The following NAP1L1 variants were observed in gnomAD, a reference collection of about 807,000 sequenced individuals.
NAP1L1 encodes nucleosome assembly protein 1-like 1.
NAP1L1 carries 9 observed loss-of-function variants against 58.9 expected under a neutral mutation model. The observed-to-expected ratio is 0.15, with a 90% CI of 0.09 to 0.27. The LOEUF is 0.27. NAP1L1 is among the 10% of genes least tolerant of loss of function. The probability of loss-of-function intolerance (pLI) is 1.00; values close to 1 mark genes in which losing one functional copy is unlikely to be tolerated. For missense variants in NAP1L1, 302 were observed against 458.8 expected, an observed-to-expected ratio of 0.66 and a Z score of 3.12; for synonymous variants, 130 against 138.3, an observed-to-expected ratio of 0.94 and a Z score of 0.42.
intron 4 of NAP1L1, among the ~76,000 whole-genome samples, chr12:76,063,271 T>C (rs1949501840): frequency 1.3e-5 from 2 of 152,126 alleles, no homozygotes; most frequent in Admixed American, 1.3e-4. Flanking sequence ...TATTGGTAAA[T>C]TTAAGAAATC....
intron 1 of NAP1L1, among the ~76,000 whole-genome samples, chr12:76,078,692 G>A (rs1395178993): frequency 2.0e-5 from 3 of 152,130 alleles, no homozygotes; most frequent in Non-Finnish European, 4.4e-5. Flanking sequence ...GCTGGCTTAA[G>A]AGTAAGATAC....
intron 14 of NAP1L1, 40 bp from the exon 15 acceptor site, chr12:76,048,504 C>T (rs760948496): frequency 8.7e-6 from 14 of 1,608,740 alleles, no homozygotes; most frequent in Non-Finnish European, 1.2e-5. Flanking sequence ...TCTTCTTCTA[C>T]CTGCTTCAGT....
chr12:76,058,266 T>C (rs1227256039), intron 6 of NAP1L1, among the ~76,000 whole-genome samples: 1 of 150,340 alleles, frequency 6.7e-6, no homozygotes, highest in African/African-American at 2.5e-5. Context: ...GTTCTTGGCA[T>C]TTTCCCTGTT....
rs1475462654 is a variant in NAP1L1 at position 76,038,665 on chromosome 12, T to G, written c.*9764A>C. The stretch of plus-strand genomic sequence containing the variant: ...AAGAGTAAAAGGGATAAAAGAATTC[T>G]GTGGGGTAGCCAGACTCAGAAAGGT... On this transcript the variant is annotated 3_prime_UTR_variant, in exon 15 of 15. Coordinates refer to ENST00000618691, the MANE Select transcript of NAP1L1 (RefSeq NM_004537.7). The G allele has an allele frequency of 2.6e-5, 4 of 152,152 alleles. No individual in the cohort carries two copies. The East Asian group carries it at 7.7e-4, about 29-fold the overall frequency. 9.4% of individuals were successfully genotyped at this position (152,152 alleles called of 1,614,324 possible). A position where few individuals can be genotyped will look rare whatever the true frequency, so the allele number is the denominator to read the frequency against.
At chr12:76,060,970 G>C (rs2137017371) in intron 4 of NAP1L1, 1 of 368,114 alleles carries the variant, frequency 2.7e-6, no homozygotes, top group East Asian at 8.9e-5. Flanking sequence ...GTGCATGCCT[G>C]TGGTCCCAGC....
chr12:76,078,994 T>TATACAC (rs1555187155), intron 1 of NAP1L1, among the ~76,000 whole-genome samples: 10 of 151,418 alleles, frequency 6.6e-5, no homozygotes, highest in African/African-American at 2.2e-4. Flanking sequence ...TATATATATA[T>TATACAC]ACACACACAC....
At chr12:76,074,931 C>G (rs548148022) in intron 1 of NAP1L1, among the ~76,000 whole-genome samples, 30 of 152,238 alleles carry the variant, frequency 2.0e-4, no homozygotes, top group Admixed American at 8.5e-4. Flanking sequence ...GGGACATTGT[C>G]AAGACTTGTG....
intron 4 of NAP1L1, among the ~76,000 whole-genome samples, chr12:76,065,267 A>T (rs913278227): frequency 6.6e-6 from 1 of 152,088 alleles, no homozygotes; most frequent in Non-Finnish European, 1.5e-5. Flanking sequence ...CAAAGGTCAG[A>T]TTAAAAAACA....
rs1309366378 is a variant in NAP1L1, at chr12:76,045,379, T to C, written c.*3050A>G. 6.6e-6 allele frequency: 1 copy of C among 152,150 alleles called. No homozygotes were observed. The highest frequency in any genetic ancestry group is 1.5e-5 in the Non-Finnish European group (1 of 67,956). The allele number at this position is 152,150 out of a possible 1,614,324, so 9.4% of individuals were successfully genotyped here. ...ATTTCTACATAGCACGATAAGATTT[T>C]CAGTTACTTCAAGTTTTGTCTTTAT... On this transcript the variant is annotated 3_prime_UTR_variant, in exon 15 of 15. Coordinates refer to ENST00000618691, the MANE Select transcript of NAP1L1 (RefSeq NM_004537.7).
chr12:76,056,398 T>TAA lies in NAP1L1; in HGVS notation c.430-239_430-238dup, dbSNP rs58993925. 3,170 of 385,136 alleles carry TAA rather than the reference T, an allele frequency of 8.2e-3. 106 individuals are homozygous for TAA. Among genetic ancestry groups the TAA allele is most frequent in the African/African-American group, 0.062 (2,939 of 47,418 alleles). 23.9% of individuals were successfully genotyped at this position (385,136 alleles called of 1,614,324 possible). A position where few individuals can be genotyped will look rare whatever the true frequency, so the allele number is the denominator to read the frequency against. ...AGATGTGTAGGAAAAACCATTTTAG[T>TAA]AAAAAAAAAATGTAAAAACTAATTA... On this transcript the variant is annotated intron_variant, in intron 6 of 14. Transcript: ENST00000618691.
chr12:76,054,053 T>C (rs1468523588), intron 8 of NAP1L1, 144 bp from the exon 9 acceptor site: 3 of 1,023,290 alleles, frequency 2.9e-6, no homozygotes, highest in Non-Finnish European at 4.2e-6. Context: ...TTTTTGAGAC[T>C]GAGTCTTGCA....
Position 76,039,796 on chromosome 12 carries a change from A to C in NAP1L1, c.*8633T>G, listed in dbSNP as rs1394101540. 1 of 152,238 alleles carries C rather than the reference A, an allele frequency of 6.6e-6. No individual in the cohort carries two copies. Among genetic ancestry groups the C allele is most frequent in the East Asian group, 1.9e-4 (1 of 5,202 alleles). 9.4% of individuals were successfully genotyped at this position (152,238 alleles called of 1,614,324 possible). ...TTAATATTCTCAATCAAGTATGATT[A>C]AGGCATTATTTTTATTATCTTAATG... On this transcript the variant is annotated 3_prime_UTR_variant, in exon 15 of 15. Transcript: ENST00000618691.
Position 76,053,686 on chromosome 12 carries a change from T to C in NAP1L1, c.770+84A>G, listed in dbSNP as rs1467118062. ...TGTTCAGAGACAGACTATGTACATATGTAACTGAAAATAACCGAGTATACA... is the reference window on the plus strand; with the variant it reads ...TGTTCAGAGACAGACTATGTACATACGTAACTGAAAATAACCGAGTATACA... On this transcript the variant is annotated intron_variant, in intron 9 of 14. Coordinates refer to ENST00000618691, the MANE Select transcript of NAP1L1 (RefSeq NM_004537.7). The C allele has an allele frequency of 2.7e-6, 4 of 1,470,770 alleles. No homozygotes were observed. In the East Asian group the frequency reaches 6.8e-5, roughly 25 times the overall value. The allele number at this position is 1,470,770 out of a possible 1,614,324, so 91.1% of individuals were successfully genotyped here. A position where few individuals can be genotyped will look rare whatever the true frequency, so the allele number is the denominator to read the frequency against.
chr12:76,067,336 T>C (rs367848316), intron 4 of NAP1L1, 35 bp downstream of exon 4: 19 of 1,503,062 alleles, frequency 1.3e-5, no homozygotes, highest in East Asian at 2.3e-5. Context: ...ACGTTGATTA[T>C]AGAAAGATAA....
intron 8 of NAP1L1, among the ~76,000 whole-genome samples, chr12:76,054,259 A>T (rs1379561511): frequency 6.7e-6 from 1 of 148,270 alleles, no homozygotes; most frequent in Admixed American, 6.8e-5. Flanking sequence ...TGACCTCCGG[A>T]CCTCAAGTGA....
intron 1 of NAP1L1, among the ~76,000 whole-genome samples, chr12:76,076,582 A>C (rs1315625637): frequency 7.7e-6 from 1 of 129,198 alleles, no homozygotes; most frequent in African/African-American, 3.3e-5. Context: ...ATATATATAT[A>C]TATATATATA....
rs1948593264 is a variant in NAP1L1, at chr12:76,045,576, T to C, written c.*2853A>G. 1 of 152,102 alleles carries C rather than the reference T, an allele frequency of 6.6e-6. No individual in the cohort carries two copies. Among genetic ancestry groups the C allele is most frequent in the Admixed American group, 6.5e-5 (1 of 15,272 alleles). 9.4% of individuals were successfully genotyped at this position (152,102 alleles called of 1,614,324 possible). A position where few individuals can be genotyped will look rare whatever the true frequency, so the allele number is the denominator to read the frequency against. ...AAATAGAGGTAGAATCCCATTTTTC[T>C]TAAGTACCACTCTACAAGCCAGTTC... On this transcript the variant is annotated 3_prime_UTR_variant, in exon 15 of 15. Transcript: ENST00000618691.
intron 12 of NAP1L1, among the ~76,000 whole-genome samples, chr12:76,050,038 T>C (rs1948747228): frequency 6.6e-6 from 1 of 152,150 alleles, no homozygotes; most frequent in East Asian, 1.9e-4. Flanking sequence ...CTGTAAATAT[T>C]ACTCACCTAC....
At chr12:76,052,360 T>C (rs1347481962) in intron 11 of NAP1L1, among the ~76,000 whole-genome samples, 1 of 152,196 alleles carries the variant, frequency 6.6e-6, no homozygotes, top group Non-Finnish European at 1.5e-5. Context: ...GTAGTTTTTC[T>C]CACCTGAAAT....
Sources: allele counts gnomAD v4.1 joint callset (sites outside exome capture counted in the v4.1 genomes callset), GRCh38; gene constraint gnomAD v4.1.1; transcripts MANE v1.5; gene names NCBI Gene and HGNC (gene_info 2026-07-23, HGNC 2026-07-21).